KIF27: variants seen among roughly 807,000 people sequenced by gnomAD.
KIF27 encodes kinesin family member 27, also known as kinesin-like protein KIF27.
KIF27 carries 84 observed loss-of-function variants against 141.8 expected under a neutral mutation model. The ratio of observed to expected loss-of-function variants is 0.59; its 90% confidence interval spans 0.50 to 0.71. The LOEUF (loss-of-function observed/expected upper bound fraction) is 0.71. Ranked by LOEUF, KIF27 falls within the 30% of genes least tolerant of loss-of-function variation. The probability of loss-of-function intolerance (pLI) is 0.00; values close to 1 mark genes in which losing one functional copy is unlikely to be tolerated. For missense variants in KIF27, 1,306 were observed against 1,628.4 expected, an observed-to-expected ratio of 0.80 and a Z score of 3.41; for synonymous variants, 471 against 569.5, an observed-to-expected ratio of 0.83 and a Z score of 2.46.
In KIF27 at chr9:83,837,236, T is replaced by C; in HGVS notation, c.3971A>G (p.Glu1324Gly). Residue 1324 changes from glutamate (E) to glycine (G), a missense_variant, in exon 18 of 18, where the codon GAA becomes GGA. By Grantham distance (98) the Glu-to-Gly change is moderately conservative (BLOSUM62 -2). Coordinates refer to ENST00000297814, the MANE Select transcript of KIF27 (RefSeq NM_017576.4). ...GHMLGNENKT[E>G]TDDNQFTKSH... ...TTTTGTAAACTGATTATCATCTGTT[T>C]CTGTTTTATTCTCATTACCTAACAT... 6.2e-7 allele frequency: 1 copy of C among 1,613,860 alleles called. No individual in the cohort carries two copies.
chr9:83,849,121 T>C (rs926299202), intron 16 of KIF27, among the ~76,000 whole-genome samples: 2 of 152,186 alleles, frequency 1.3e-5, no homozygotes, highest in Non-Finnish European at 2.9e-5. Flanking sequence ...GCCAAGTTTT[T>C]ATATATTCTT....
At position 83,846,652 on chromosome 9, in the gene KIF27, TC is replaced by T. The variant is rs372263690; in HGVS notation, c.3556+3446del. On this transcript the variant is annotated intron_variant, in intron 16 of 17. Transcript: ENST00000297814. Reference sequence around the variant, plus strand: ...TTCTTCCATAGCCAGGATTCACGAGTCCAGGGACCAAGGGGTGGAAGTGGAA... The same window carrying T: ...TTCTTCCATAGCCAGGATTCACGAGTCAGGGACCAAGGGGTGGAAGTGGAA... Among the ~76,000 whole-genome samples the T allele has an allele frequency of 8.8e-3, 1,345 of 152,124 alleles. 20 individuals are homozygous for T. Among genetic ancestry groups the T allele is most frequent in the African/African-American group, 0.03 (1,255 of 41,470 alleles).
intron 6 of KIF27, among the ~76,000 whole-genome samples, chr9:83,890,957 T>C (rs1231564996): frequency 6.6e-6 from 1 of 152,186 alleles, no homozygotes; most frequent in African/African-American, 2.4e-5. Flanking sequence ...GAAATAAATA[T>C]CCTCTAACAT....
intron 7 of KIF27, among the ~76,000 whole-genome samples, chr9:83,888,816 CA>C (rs35585822): frequency 0.59 from 49,546 of 83,920 alleles, 11,282 homozygotes; most frequent in African/African-American, 0.62. Flanking sequence ...TAAGGAAATC[CA>C]AAAAAAAAAA....
rs928532660 is a variant in KIF27, at chr9:83,880,281, T to G, written c.2643+16A>C. ...CATTTCATATTATACTTAGCAGGAA[T>G]GTATGACAATATTACTTTGATTTTT... is the stretch of plus-strand genomic sequence containing the variant. On this transcript the variant is annotated intron_variant, in intron 11 of 17. Transcript: ENST00000297814. The G allele has an allele frequency of 6.2e-7, 1 of 1,613,696 alleles. No individual in the cohort carries two copies.
rs556675976 is a variant in KIF27, at chr9:83,862,006, G to A, written c.2935-2635C>T. 2.1e-4 allele frequency among the ~76,000 whole-genome samples: 32 copies of A among 152,138 alleles called. No homozygotes were observed. The East Asian group carries it at 4.6e-3, about 22-fold the overall frequency. On this transcript the variant is annotated intron_variant, in intron 13 of 17. Transcript: ENST00000297814. ...CGAGAAGCGTCTGTTCATATCCTTCGCCCACTTGTTGATGGGGTTGTTTTT... is the reference window on the plus strand; with the variant it reads ...CGAGAAGCGTCTGTTCATATCCTTCACCCACTTGTTGATGGGGTTGTTTTT...
chr9:83,915,782 A>G (rs1398012816), intron 1 of KIF27, 104 bp from the exon 2 acceptor site: 2 of 566,098 alleles, frequency 3.5e-6, no homozygotes, highest in African/African-American at 1.9e-5. Context: ...TTTTGTTCCA[A>G]TACAACACAG....
intron 2 of KIF27, among the ~76,000 whole-genome samples, chr9:83,909,611 C>CAAAA (rs535947964): frequency 4.3e-5 from 3 of 70,498 alleles, no homozygotes; most frequent in African/African-American, 1.5e-4. Context: ...GAAACTGTCT[C>CAAAA]AAAAAAAAAA....
At chr9:83,867,369 G>C (rs147743153) in intron 13 of KIF27, among the ~76,000 whole-genome samples, 35 of 149,756 alleles carry the variant, frequency 2.3e-4, no homozygotes, top group Middle Eastern at 6.8e-3. Flanking sequence ...AATACATACA[G>C]AGATAGATCT....
intron 16 of KIF27, among the ~76,000 whole-genome samples, chr9:83,844,848 T>C (rs553811641): frequency 2.6e-5 from 4 of 152,366 alleles, no homozygotes; most frequent in African/African-American, 9.6e-5. Flanking sequence ...AGTTGCTACA[T>C]TCGGCCCTTC....
At chr9:83,856,268 TAAC>T (rs1218965724) in intron 14 of KIF27, among the ~76,000 whole-genome samples, 3 of 152,048 alleles carry the variant, frequency 2.0e-5, no homozygotes, top group Non-Finnish European at 4.4e-5. Flanking sequence ...AACAAAAAAC[TAAC>T]AACAACTTTT....
Position 83,842,387 on chromosome 9 carries a change from C to T in KIF27, c.3571G>A (p.Gly1191Ser). ...LHHFKEQDGEGIMETFKTYED... is the reference protein window; with the variant it reads ...LHHFKEQDGESIMETFKTYED... ...TATGTTTTGAAAGTTTCCATAATGC[C>T]TTCTCCATCTTGTTCTATACAACAA... The change falls in exon 17 of 18, where the codon GGC becomes AGC. Residue 1191 changes from glycine to serine, a missense_variant. Coordinates refer to ENST00000297814, the MANE Select transcript of KIF27 (RefSeq NM_017576.4). 6.6e-7 allele frequency: 1 copy of T among 1,510,728 alleles called. No individual in the cohort carries two copies. Among genetic ancestry groups the T allele is most frequent in the Non-Finnish European group, 8.8e-7 (1 of 1,135,268 alleles). The allele number at this position is 1,510,728 out of a possible 1,614,324, so 93.6% of individuals were successfully genotyped here.
intron 10 of KIF27, among the ~76,000 whole-genome samples, chr9:83,882,603 A>G (rs1951774056): frequency 6.6e-6 from 1 of 152,178 alleles, no homozygotes; most frequent in Non-Finnish European, 1.5e-5. Flanking sequence ...TAGTGCATGG[A>G]TATGTCAAAG....
At position 83,859,193 on chromosome 9, in the gene KIF27, T is replaced by C. The variant is rs753586591; in HGVS notation, c.3113A>G (p.Asp1038Gly). Reference sequence around the variant, plus strand: ...CACTCTACCATTTTTAAGTTTTTCATCCACATTGTGTCTGCGTTTCTGGAG... The same window carrying C: ...CACTCTACCATTTTTAAGTTTTTCACCCACATTGTGTCTGCGTTTCTGGAG... ...DQLQKRRHNVDEKLKNGRVLS... is the reference protein window; with the variant it reads ...DQLQKRRHNVGEKLKNGRVLS... Residue 1038 changes from aspartate to glycine, a missense_variant, in exon 14 of 18, where the codon GAT becomes GGT. Around this residue, in one of 4 missense-constraint regions of KIF27, gnomAD observed 596 missense variants for 751.6 expected, o/e 0.79. Coordinates refer to ENST00000297814, the MANE Select transcript of KIF27 (RefSeq NM_017576.4). 2.5e-6 allele frequency: 4 copies of C among 1,614,142 alleles called. No individual in the cohort carries two copies. Among genetic ancestry groups the C allele is most frequent in the East Asian group, 2.2e-5 (1 of 44,872 alleles).
rs996995862 is a variant in KIF27 at position 83,903,289 on chromosome 9, C to T, written c.1229G>A (p.Gly410Asp). The T allele has an allele frequency of 1.9e-6, 3 of 1,614,056 alleles. No individual in the cohort carries two copies. The African/African-American group carries it at 4.0e-5, about 22-fold the overall frequency. The change falls in exon 4 of 18, where the codon GGT (glycine) becomes GAT (aspartate). Residue 410 changes from glycine to aspartate, a missense_variant. Transcript: ENST00000297814. ...GGCTTCTTCTACACAACACTGGTAA[C>T]CCAGACATTCTCCTTGAAGCTGAGC... ...QVAQLQGECLGYQCCVEEAFT... is the reference protein window; with the variant it reads ...QVAQLQGECLDYQCCVEEAFT...
In KIF27 at chr9:83,913,002, A is replaced by T. The variant is rs191096014; in HGVS notation, c.298+2292T>A. ...CAAAACCCTGTCTCTGCAAAAAATT[A>T]AAAAAAAAAAAAATTAGTCGGGAGT... On this transcript the variant is annotated intron_variant, in intron 2 of 17. Coordinates refer to ENST00000297814, the MANE Select transcript of KIF27 (RefSeq NM_017576.4). Among the ~76,000 whole-genome samples, 928 of 143,350 alleles carry T rather than the reference A, an allele frequency of 6.5e-3. 10 individuals carry two copies. Among genetic ancestry groups the T allele is most frequent in the African/African-American group, 0.02 (809 of 39,538 alleles). 94.0% of individuals were successfully genotyped at this position (143,350 alleles called of 152,430 possible). A position where few individuals can be genotyped will look rare whatever the true frequency, so the allele number is the denominator to read the frequency against.
rs1408277101 is a variant in KIF27, at chr9:83,857,967, T to G, written c.3150+1189A>C. On this transcript the variant is annotated intron_variant, in intron 14 of 17. Transcript: ENST00000297814. The stretch of plus-strand genomic sequence containing the variant: ...CTCAAGGGAAACATAATACTTTGGG[T>G]TTTTTTTTTTTTTTTTTGCTTCTTC... Among the ~76,000 whole-genome samples the G allele has an allele frequency of 9.4e-5, 7 of 74,494 alleles. No individual in the cohort carries two copies. The South Asian group carries it at 1.2e-3, about 13-fold the overall frequency. 48.9% of individuals were successfully genotyped at this position (74,494 alleles called of 152,430 possible).
chr9:83,908,446 C>G lies in KIF27; in HGVS notation c.499+6G>C, dbSNP rs769266348. ...TGAAGGCAACTGATTAAGTGTGCTACTTTACCTGTGTTTCCTTTTTCATCT... is the reference window on the plus strand; with the variant it reads ...TGAAGGCAACTGATTAAGTGTGCTAGTTTACCTGTGTTTCCTTTTTCATCT... On this transcript the variant is annotated splice_donor_region_variant and intron_variant, in intron 3 of 17. Transcript: ENST00000297814. 3.8e-6 allele frequency: 6 copies of G among 1,588,502 alleles called. No individual in the cohort carries two copies. In the Admixed American group the frequency reaches 1.0e-4, roughly 27 times the overall value.
chr9:83,891,633 G>A, intron 5 of KIF27, 132 bp from the exon 6 acceptor site: 4 of 876,380 alleles, frequency 4.6e-6, no homozygotes, highest in South Asian at 3.7e-5. Flanking sequence ...TTTATCCAGA[G>A]ACTAGCTCTC....
Sources: gnomAD v4.1 joint callset for allele counts (sites outside exome capture counted in the v4.1 genomes callset) on GRCh38, gnomAD v4.1.1 for gene constraint, gnomAD v4.1.1 regional missense constraint, MANE v1.5 for transcripts, NCBI Gene and HGNC (gene_info 2026-07-23, HGNC 2026-07-21) for gene names.